Variants in THUMPD2 observed in about 807,000 individuals in gnomAD.
THUMPD2 encodes the protein THUMP domain 2 tRNA and snRNA guanosine methyltransferase.
Under a neutral mutation model 49.4 loss-of-function variants are expected in THUMPD2, and 56 were observed. The observed-to-expected ratio is 1.13, with a 90% CI of 0.91 to 1.41. THUMPD2 has a LOEUF of 1.41. THUMPD2 is among the 40% of genes most tolerant of loss of function. The probability of loss-of-function intolerance (pLI) is 0.00; values close to 1 mark genes in which losing one functional copy is unlikely to be tolerated. For missense variants in THUMPD2, 709 were observed against 594.5 expected, an observed-to-expected ratio of 1.19 and a Z score of -2.00; for synonymous variants, 237 against 205.2, an observed-to-expected ratio of 1.15 and a Z score of -1.32.
At chr2:39,753,807 C>A (rs1417874915) in intron 8 of THUMPD2, among the ~76,000 whole-genome samples, 1 of 152,142 alleles carries the variant, frequency 6.6e-6, no homozygotes, top group African/African-American at 2.4e-5. Flanking sequence ...TGGGCCAGGC[C>A]ACTGTCATTT....
Position 39,771,611 on chromosome 2 carries a change from G to GA in THUMPD2, c.155dup (p.Thr53HisfsTer5), listed in dbSNP as rs1572877201. 6.2e-7 allele frequency: 1 copy of GA among 1,602,106 alleles called. No individual in the cohort carries two copies. The highest frequency in any genetic ancestry group is 8.5e-7 in the Non-Finnish European group (1 of 1,176,482). ...ACATATTCAAATCAGAACAGGTGGT[G>GA]AAAAAAACCTTTCCTGAAATATATT... On this transcript the variant is annotated frameshift_variant, in exon 2 of 10. Transcript: ENST00000505747. LOFTEE classifies it high-confidence loss of function.
intron 8 of THUMPD2, among the ~76,000 whole-genome samples, chr2:39,746,468 A>G (rs542642768): frequency 2.6e-4 from 39 of 152,356 alleles, no homozygotes; most frequent in Admixed American, 1.9e-3. Context: ...CACCTGACCG[A>G]TACGATTCAA....
intron 8 of THUMPD2, among the ~76,000 whole-genome samples, chr2:39,752,435 T>C (rs1441779865): frequency 6.6e-6 from 1 of 152,212 alleles, no homozygotes; most frequent in Non-Finnish European, 1.5e-5. Flanking sequence ...AAACAAGGGA[T>C]TCACATATCT....
chr2:39,742,977 G>A (rs549348783), intron 9 of THUMPD2, among the ~76,000 whole-genome samples: 3 of 152,286 alleles, frequency 2.0e-5, no homozygotes, highest in African/African-American at 7.2e-5. Flanking sequence ...AATATTTCAA[G>A]AGTTAGGCAA....
chr2:39,737,119 C>A, intron 9 of THUMPD2, 60 bp from the exon 10 acceptor site: 2 of 1,438,356 alleles, frequency 1.4e-6, no homozygotes, highest in South Asian at 2.8e-5. Context: ...CAAACAATCC[C>A]ACTTCATTTA....
chr2:39,753,129 T>C (rs1341899052), intron 8 of THUMPD2, among the ~76,000 whole-genome samples: 1 of 152,194 alleles, frequency 6.6e-6, no homozygotes, highest in Non-Finnish European at 1.5e-5. Flanking sequence ...TGATCCCCAA[T>C]ATCCTTTCTT....
At position 39,779,175 on chromosome 2, in the gene THUMPD2, G is replaced by A. The variant is rs1389593805; in HGVS notation, c.65C>T (p.Ala22Val). 3.3e-6 allele frequency: 5 copies of A among 1,520,718 alleles called. No individual in the cohort carries two copies. The African/African-American group carries it at 4.3e-5, about 13-fold the overall frequency. 94.2% of individuals were successfully genotyped at this position (1,520,718 alleles called of 1,614,324 possible). The change falls in exon 1 of 10, where the codon GCG (alanine) becomes GTG (valine). Residue 22 changes from alanine (A) to valine (V), a missense_variant. Physicochemically the swap from Ala to Val is moderately conservative, Grantham distance 64. Transcript: ENST00000505747. ...TACGAACGGCTCCAGGCCGCGACCC[G>A]CAGTGCAGAAGAATCGGGCGCCAGC... ...PEAGARFFCTAGRGLEPFVMR... is the reference protein window; with the variant it reads ...PEAGARFFCTVGRGLEPFVMR...
At position 39,736,910 on chromosome 2, in the gene THUMPD2, TC is replaced by T; in HGVS notation, c.1336del (p.Glu446LysfsTer21). 6.2e-7 allele frequency: 1 copy of T among 1,614,214 alleles called. No homozygotes were observed. Among genetic ancestry groups the T allele is most frequent in the Non-Finnish European group, 8.5e-7 (1 of 1,180,028 alleles). ...CGCTGTCTTGAATGCACCAGTTTTT[TC>T]TTCAGGATTCAAGCACTTTTTAATT... is the stretch of plus-strand genomic sequence containing the variant. ...PGIKKCLNPEEKTGAFKTAST... is the reference protein window; with the variant it reads ...PGIKKCLNPEXKTGAFKTAST... On this transcript the variant is annotated frameshift_variant, in exon 10 of 10. Transcript: ENST00000505747. LOFTEE classifies it low-confidence loss of function (END_TRUNC).
chr2:39,768,562 C>T, intron 3 of THUMPD2, 61 bp from the exon 4 acceptor site: 1 of 1,344,814 alleles, frequency 7.4e-7, no homozygotes, highest in Admixed American at 1.9e-5. Context: ...GTTTAAATGT[C>T]AGCAAAACTA....
chr2:39,771,696 T>A lies in THUMPD2; in HGVS notation c.127-56A>T, dbSNP rs1000827978. 7.2e-6 allele frequency: 11 copies of A among 1,533,912 alleles called. No individual in the cohort carries two copies. In the African/African-American group the frequency reaches 1.4e-4, roughly 20 times the overall value. On this transcript the variant is annotated intron_variant, in intron 1 of 9. Transcript: ENST00000505747. The stretch of plus-strand genomic sequence containing the variant: ...TCCAGTGTCAGTGAAAAAACCATAT[T>A]TTTTCCCTCAAGATATAGCATCTAA...
intron 9 of THUMPD2, among the ~76,000 whole-genome samples, chr2:39,740,605 ATTTCT>A (rs1382760972): frequency 5.9e-5 from 9 of 152,052 alleles, no homozygotes; most frequent in East Asian, 5.8e-4. Context: ...TACGCACATA[ATTTCT>A]TTTCTTTTCT....
intron 8 of THUMPD2, among the ~76,000 whole-genome samples, chr2:39,753,111 C>T (rs1675633405): frequency 6.6e-6 from 1 of 152,190 alleles, no homozygotes; most frequent in Non-Finnish European, 1.5e-5. Context: ...TTCAAAAAAA[C>T]CCCTGCTTGA....
At chr2:39,776,684 C>G (rs1301805941) in intron 1 of THUMPD2, among the ~76,000 whole-genome samples, 1 of 152,120 alleles carries the variant, frequency 6.6e-6, no homozygotes, top group Non-Finnish European at 1.5e-5. Flanking sequence ...AGCCACTATA[C>G]CAGGCTGGAT....
intron 5 of THUMPD2, 33 bp downstream of exon 5, chr2:39,766,024 T>G: frequency 6.5e-7 from 1 of 1,544,676 alleles, no homozygotes; most frequent in African/African-American, 1.4e-5. Flanking sequence ...ACCATCTGTC[T>G]TATGGGACAA....
At chr2:39,738,528 C>T (rs1464403513) in intron 9 of THUMPD2, among the ~76,000 whole-genome samples, 2 of 151,680 alleles carry the variant, frequency 1.3e-5, no homozygotes, top group Non-Finnish European at 2.9e-5. Context: ...TGCACCACTG[C>T]ACTCTAGTCT....
intron 3 of THUMPD2, chr2:39,768,963 C>T (rs1677917007): frequency 7.7e-7 from 1 of 1,304,466 alleles, no homozygotes. Flanking sequence ...TTTAACATCA[C>T]TGAACTTTGT....
Position 39,755,770 on chromosome 2 carries a change from A to G in THUMPD2, c.963+119T>C, listed in dbSNP as rs558350405. 2.8e-5 allele frequency: 20 copies of G among 712,268 alleles called. No homozygotes were observed. The East Asian group carries it at 6.1e-4, about 22-fold the overall frequency. The allele number at this position is 712,268 out of a possible 1,614,324, so 44.1% of individuals were successfully genotyped here. ...CATCATCTATTTTGAGTAAATAATA[A>G]CTCATATAATTAAAAATAATCCCCA... On this transcript the variant is annotated intron_variant, in intron 7 of 9. Coordinates refer to ENST00000505747, the MANE Select transcript of THUMPD2 (RefSeq NM_025264.5).
intron 8 of THUMPD2, among the ~76,000 whole-genome samples, chr2:39,751,770 C>T (rs936663221): frequency 7.0e-6 from 1 of 143,518 alleles, no homozygotes; most frequent in Admixed American, 7.5e-5. Context: ...CTGCAACCTT[C>T]ACCTCTTAGG....
intron 1 of THUMPD2, among the ~76,000 whole-genome samples, chr2:39,772,660 T>A (rs980070025): frequency 2.0e-5 from 3 of 152,154 alleles, no homozygotes; most frequent in African/African-American, 7.2e-5. Flanking sequence ...CTTAACTCTT[T>A]TAGGGTCAAC....
Sources: allele counts gnomAD v4.1 joint callset (sites outside exome capture counted in the v4.1 genomes callset), GRCh38; gene constraint gnomAD v4.1.1; transcripts MANE v1.5; gene names NCBI Gene and HGNC (gene_info 2026-07-23, HGNC 2026-07-21).